INTS8: variants seen among roughly 807,000 people sequenced by gnomAD.
INTS8 encodes the protein protein kaonashi-1.
Under a neutral mutation model 138.9 loss-of-function variants are expected in INTS8, and 47 were observed. The ratio of observed to expected loss-of-function variants is 0.34; its 90% CI spans 0.27 to 0.43. The LOEUF is 0.43. INTS8 is among the 20% of genes least tolerant of loss of function. The pLI, the probability that INTS8 is intolerant of heterozygous loss-of-function variation, is 1.00. For synonymous variants in INTS8, 392 were observed against 400.9 expected, an observed-to-expected ratio of 0.98 and a Z score of 0.27; for missense variants, 996 against 1,173.0, an observed-to-expected ratio of 0.85 and a Z score of 2.20.
At chr8:94,861,256 A>ATTTCTTTT (rs1815962360) in intron 16 of INTS8, among the ~76,000 whole-genome samples, 1 of 57,376 alleles carries the variant, frequency 1.7e-5, no homozygotes, top group African/African-American at 7.3e-5. Flanking sequence ...CCTTTTTGTA[A>ATTTCTTTT]TTTTTTTTTT....
intron 26 of INTS8, 145 bp from the exon 27 acceptor site, chr8:94,879,973 C>T (rs1161658480): frequency 5.5e-6 from 3 of 549,184 alleles, no homozygotes; most frequent in Admixed American, 3.3e-5. Context: ...AATTTTTTTC[C>T]AAGACTCCTG....
intron 20 of INTS8, chr8:94,867,724 A>G (rs1816235204): frequency 6.1e-6 from 1 of 162,646 alleles, no homozygotes; most frequent in Admixed American, 6.3e-5. Flanking sequence ...TGGTTTTGCC[A>G]TGTTGGCCAG....
intron 18 of INTS8, 150 bp downstream of exon 18, chr8:94,866,341 G>A: frequency 3.2e-6 from 2 of 627,398 alleles, no homozygotes; most frequent in Non-Finnish European, 6.1e-6. Context: ...CACCCAAGCT[G>A]GAGTGCTGAG....
chr8:94,872,128 T>G (rs559703962), intron 21 of INTS8, 126 bp downstream of exon 21: 618 of 580,806 alleles, frequency 1.1e-3, no homozygotes, highest in Admixed American at 3.6e-3. Context: ...TTAGTAAAAT[T>G]AAAGCAGTAA....
At chr8:94,849,763 C>T (rs1815462395) in intron 11 of INTS8, among the ~76,000 whole-genome samples, 153 bp from the exon 12 acceptor site, 1 of 151,748 alleles carries the variant, frequency 6.6e-6, no homozygotes, top group Non-Finnish European at 1.5e-5. Flanking sequence ...AAATAAGGAC[C>T]AAAGGGAAAT....
chr8:94,866,649 G>T (rs766470738), intron 18 of INTS8: 23 of 169,802 alleles, frequency 1.4e-4, no homozygotes, highest in Non-Finnish European at 2.0e-4. Flanking sequence ...TTGGTGGGTG[G>T]GATATTCTGA....
intron 10 of INTS8, among the ~76,000 whole-genome samples, chr8:94,846,429 C>G (rs1815334748): frequency 6.6e-6 from 1 of 152,136 alleles, no homozygotes; most frequent in Non-Finnish European, 1.5e-5. Flanking sequence ...CATGTGCCAC[C>G]ACGCCTGGCT....
At chr8:94,871,241 C>T (rs1310455620) in intron 20 of INTS8, among the ~76,000 whole-genome samples, 3 of 151,070 alleles carry the variant, frequency 2.0e-5, no homozygotes, top group Admixed American at 6.6e-5. Context: ...CTGAGATGGG[C>T]AGATTGGCTG....
chr8:94,831,524 C>T (rs1193038047), intron 5 of INTS8, among the ~76,000 whole-genome samples: 2 of 150,898 alleles, frequency 1.3e-5, no homozygotes, highest in African/African-American at 2.4e-5. Flanking sequence ...CTCTGTCACC[C>T]AGGCCGGAGT....
chr8:94,855,043 G>A (rs1815694925), intron 14 of INTS8, among the ~76,000 whole-genome samples: 1 of 152,062 alleles, frequency 6.6e-6, no homozygotes, highest in African/African-American at 2.4e-5. Context: ...ACTGCACGTG[G>A]CTGGAACTTG....
chr8:94,881,470 T>C lies in INTS8; in HGVS notation c.*1236T>C. ...ACATAGGAAATAATTAAATGTATTC[T>C]TTAGTGCCAATTGTAAGTTTTAAAA... On this transcript the variant is annotated 3_prime_UTR_variant, in exon 27 of 27. Transcript: ENST00000523731. The C allele has an allele frequency of 4.7e-6, 3 of 635,956 alleles. No individual in the cohort carries two copies. In the South Asian group the frequency reaches 6.3e-5, roughly 13 times the overall value. The allele number at this position is 635,956 out of a possible 1,614,324, so 39.4% of individuals were successfully genotyped here. A position where few individuals can be genotyped will look rare whatever the true frequency, so the allele number is the denominator to read the frequency against.
chr8:94,830,482 A>C (rs1162083332), intron 5 of INTS8, among the ~76,000 whole-genome samples: 3 of 152,214 alleles, frequency 2.0e-5, no homozygotes, highest in African/African-American at 4.8e-5. Flanking sequence ...TTTCTTGAAT[A>C]AATCAAGTGG....
intron 8 of INTS8, among the ~76,000 whole-genome samples, chr8:94,840,937 G>T (rs1187709764): frequency 3.4e-5 from 5 of 147,008 alleles, no homozygotes; most frequent in African/African-American, 1.0e-4. Context: ...TTTTGAGATG[G>T]AGTATTGCTC....
chr8:94,868,288 C>T (rs2131064897), intron 20 of INTS8, among the ~76,000 whole-genome samples: 1 of 152,258 alleles, frequency 6.6e-6, no homozygotes, highest in East Asian at 1.9e-4. Flanking sequence ...CCCTCCCTCT[C>T]AGTCTTCTTA....
At chr8:94,866,721 T>C (rs1816189326) in intron 18 of INTS8, 1 of 172,896 alleles carries the variant, frequency 5.8e-6, no homozygotes, top group Non-Finnish European at 1.2e-5. Context: ...GGTATTTCTT[T>C]AAATTGTAAA....
chr8:94,826,834 G>A (rs554091989), intron 2 of INTS8, among the ~76,000 whole-genome samples: 1 of 152,224 alleles, frequency 6.6e-6, no homozygotes, highest in East Asian at 1.9e-4. Context: ...AGCCGGGCAC[G>A]GTGGCTCACG....
At chr8:94,858,744 C>T (rs1396210501) in intron 15 of INTS8, among the ~76,000 whole-genome samples, 1 of 152,192 alleles carries the variant, frequency 6.6e-6, no homozygotes, top group African/African-American at 2.4e-5. Flanking sequence ...GACTGTACTC[C>T]AGCCCAGCTT....
At chr8:94,856,693 T>A (rs1265915997) in intron 14 of INTS8, 84 bp from the exon 15 acceptor site, 2 of 1,061,988 alleles carry the variant, frequency 1.9e-6, no homozygotes, top group Admixed American at 1.8e-5. Flanking sequence ...ATAATCCTTC[T>A]CCTCTTTGCT....
chr8:94,843,432 T>C (rs1454521008), intron 10 of INTS8, among the ~76,000 whole-genome samples: 1 of 152,106 alleles, frequency 6.6e-6, no homozygotes, highest in African/African-American at 2.4e-5. Context: ...CCGAGCGTGC[T>C]GGCAAGTGCC....
Sources: gnomAD v4.1 joint callset for allele counts (sites outside exome capture counted in the v4.1 genomes callset) on GRCh38, gnomAD v4.1.1 for gene constraint, MANE v1.5 for transcripts, NCBI Gene and HGNC (gene_info 2026-07-23, HGNC 2026-07-21) for gene names.